Variants in ABCA13 observed in about 807,000 individuals in gnomAD.
ABCA13 encodes ATP-binding cassette sub-family A member 13.
A neutral mutation model predicts 478.7 loss-of-function variants in ABCA13; 476 were observed. The ratio of observed to expected loss-of-function variants is 0.99; its 90% CI spans 0.92 to 1.07. ABCA13 has a LOEUF of 1.07. Ranked by LOEUF, ABCA13 falls within the 50% of genes least tolerant of loss-of-function variation. The pLI is 0.00. For synonymous variants in ABCA13, 2,252 were observed against 2,158.9 expected (o/e 1.04, Z -1.20); for missense variants, 6,060 against 5,910.6 (o/e 1.03, Z -0.83).
At chr7:48,328,180 G>A (rs1043591688) in intron 27 of ABCA13, among the ~76,000 whole-genome samples, 2 of 152,180 alleles carry the variant, frequency 1.3e-5, no homozygotes, top group Admixed American at 6.5e-5. Context: ...GGCTGGAAGT[G>A]CACAGGCTCT....
rs199853944 is a variant in ABCA13 at position 48,424,448 on chromosome 7, CT to C, written c.12460-3315del. 1.0e-3 allele frequency among the ~76,000 whole-genome samples: 152 copies of C among 152,292 alleles called. 12 individuals are homozygous for C. In the East Asian group the frequency reaches 0.027, roughly 27 times the overall value. ...GTTGATGGGTTCTTGGAAACTAAGA[CT>C]TTAAGCAAAACAACTTTTTTTCCCT... On this transcript the variant is annotated intron_variant, in intron 41 of 61. Coordinates refer to ENST00000435803, the MANE Select transcript of ABCA13 (RefSeq NM_152701.5).
intron 44 of ABCA13, among the ~76,000 whole-genome samples, chr7:48,467,765 T>C (rs1051425098): frequency 6.6e-6 from 1 of 152,190 alleles, no homozygotes; most frequent in Non-Finnish European, 1.5e-5. Flanking sequence ...CAGAAGTGTA[T>C]GTTTTTAAGT....
chr7:48,479,909 A>T (rs1450207863), intron 45 of ABCA13, among the ~76,000 whole-genome samples: 1 of 152,162 alleles, frequency 6.6e-6, no homozygotes. Context: ...GCCTGTTTTC[A>T]TTTTCATTTT....
chr7:48,475,716 G>A (rs1828019472), intron 45 of ABCA13, among the ~76,000 whole-genome samples: 1 of 151,992 alleles, frequency 6.6e-6, no homozygotes, highest in East Asian at 1.9e-4. Flanking sequence ...CACCTGCCTC[G>A]GCCTCCCAAA....
At chr7:48,600,158 C>A (rs1030561244) in intron 58 of ABCA13, among the ~76,000 whole-genome samples, 2 of 152,114 alleles carry the variant, frequency 1.3e-5, no homozygotes, top group Non-Finnish European at 2.9e-5. Context: ...ACTTTCTTAT[C>A]ATTATGAAAT....
chr7:48,179,932 A>G (rs1795437918), intron 1 of ABCA13, among the ~76,000 whole-genome samples: 1 of 151,650 alleles, frequency 6.6e-6, no homozygotes, highest in Non-Finnish European at 1.5e-5. Flanking sequence ...AGAACTTCTT[A>G]CTCCCATTTC....
chr7:48,355,993 T>C (rs1201604007), intron 31 of ABCA13, among the ~76,000 whole-genome samples: 1 of 151,560 alleles, frequency 6.6e-6, no homozygotes, highest in African/African-American at 2.4e-5. Context: ...GGAGTATAGA[T>C]AGAAAAATAG....
At chr7:48,296,092 G>C (rs1457101851) in intron 21 of ABCA13, among the ~76,000 whole-genome samples, 1 of 152,204 alleles carries the variant, frequency 6.6e-6, no homozygotes, top group Non-Finnish European at 1.5e-5. Flanking sequence ...AAAGATATTA[G>C]ATATAAGAAT....
chr7:48,180,227 C>T (rs987683825), intron 1 of ABCA13, among the ~76,000 whole-genome samples: 1 of 152,198 alleles, frequency 6.6e-6, no homozygotes. Context: ...ACAGGACAGC[C>T]TTGGTGCTGT....
intron 3 of ABCA13, among the ~76,000 whole-genome samples, chr7:48,210,392 A>G (rs1440888332): frequency 6.6e-6 from 1 of 152,156 alleles, no homozygotes; most frequent in Non-Finnish European, 1.5e-5. Context: ...GGGTGGGGAC[A>G]TGGCCAAACC....
At chr7:48,187,019 GTATA>G (rs773804724) in intron 1 of ABCA13, among the ~76,000 whole-genome samples, 1 of 145,106 alleles carries the variant, frequency 6.9e-6, no homozygotes, top group Non-Finnish European at 1.5e-5. Context: ...ATGTGTGTGT[GTATA>G]TATATATATA....
At position 48,275,701 on chromosome 7, in the gene ABCA13, A is replaced by G; in HGVS notation, c.6035A>G (p.Asp2012Gly). 2 of 1,599,522 alleles carry G rather than the reference A, an allele frequency of 1.3e-6. No individual in the cohort carries two copies. The highest frequency in any genetic ancestry group is 1.7e-6 in the Non-Finnish European group (2 of 1,172,132). ...LERTVQLISE[D>G]WSLEKSTHNL... Reference sequence around the variant, plus strand: ...AGGACAGTACAATTGATTTCTGAAGACTGGAGCCTAGAAAAAAGTACGCAT... The same window carrying G: ...AGGACAGTACAATTGATTTCTGAAGGCTGGAGCCTAGAAAAAAGTACGCAT... Residue 2012 changes from aspartate to glycine, a missense_variant, in exon 17 of 62, where the codon GAC becomes GGC. Asp to Gly is a moderately conservative substitution (Grantham distance 94). Coordinates refer to ENST00000435803, the MANE Select transcript of ABCA13 (RefSeq NM_152701.5).
At chr7:48,411,183 CTCTT>C (rs371505723) in intron 40 of ABCA13, among the ~76,000 whole-genome samples, 1 of 89,590 alleles carries the variant, frequency 1.1e-5, no homozygotes, top group Non-Finnish European at 2.5e-5. Flanking sequence ...TTCTTTCTTT[CTCTT>C]TCTTTCCTTT....
rs141576983 is a variant in ABCA13, at chr7:48,412,584, G to T, written c.12459+1G>T. On this transcript the variant is annotated splice_donor_variant, in intron 41 of 61. Coordinates refer to ENST00000435803, the MANE Select transcript of ABCA13 (RefSeq NM_152701.5). LOFTEE classifies it high-confidence loss of function. ...GATCTCAGACACCACCTTAGAAGAG[G>T]TACTGAGAAAACTGAAGCGTGCTTT... is the stretch of plus-strand genomic sequence containing the variant. The T allele has an allele frequency of 1.2e-3, 1,942 of 1,592,738 alleles. 19 individuals are homozygous for T. In the East Asian group the frequency reaches 0.021, roughly 17 times the overall value.
chr7:48,252,573 T>C (rs1397239493), intron 15 of ABCA13, among the ~76,000 whole-genome samples: 1 of 152,190 alleles, frequency 6.6e-6, no homozygotes, highest in Non-Finnish European at 1.5e-5. Flanking sequence ...TTTAAGCCTA[T>C]ATAACAGAAA....
Position 48,524,098 on chromosome 7 carries a change from C to T in ABCA13, c.14052-150C>T, listed in dbSNP as rs114863514. The T allele has an allele frequency of 1.0e-3, 587 of 585,480 alleles. 2 individuals carry two copies. The highest frequency in any genetic ancestry group is 7.2e-3 in the African/African-American group (372 of 51,690). The allele number at this position is 585,480 out of a possible 1,614,324, so 36.3% of individuals were successfully genotyped here. A position where few individuals can be genotyped will look rare whatever the true frequency, so the allele number is the denominator to read the frequency against. On this transcript the variant is annotated intron_variant, in intron 53 of 61. Transcript: ENST00000435803. ...GATTCTTGCCTGATAATCAGGATGGCAGAACTGGGGTGCTCTGGACAAAGC... is the reference window on the plus strand; with the variant it reads ...GATTCTTGCCTGATAATCAGGATGGTAGAACTGGGGTGCTCTGGACAAAGC...
intron 14 of ABCA13, 61 bp downstream of exon 14, chr7:48,248,505 C>A: frequency 7.7e-7 from 1 of 1,305,352 alleles, no homozygotes; most frequent in Non-Finnish European, 1.0e-6. Flanking sequence ...ATTTCAACTG[C>A]CCCTTCTACA....
rs1488104309 is a variant in ABCA13, at chr7:48,511,114, G to A, written c.13555G>A (p.Val4519Ile). 4.3e-6 allele frequency: 7 copies of A among 1,613,510 alleles called. No homozygotes were observed. The highest frequency in any genetic ancestry group is 1.7e-6 in the Non-Finnish European group (2 of 1,179,666). Residue 4519 changes from valine to isoleucine, a missense_variant, in exon 51 of 62, where the codon GTT becomes ATT. Transcript: ENST00000435803. ...TTACTTGGTTTCCGTCTGCCTGTGT[G>A]TTGCCGTTATTGTCGCCTTCCAGTT... ...LFYLVSVCLC[V>I]AVIVAFQLTA... is the part of the protein sequence containing the mutation.
chr7:48,310,505 T>G (rs1039433037), intron 24 of ABCA13, among the ~76,000 whole-genome samples: 3 of 152,010 alleles, frequency 2.0e-5, no homozygotes, highest in African/African-American at 7.2e-5. Flanking sequence ...CCCTGGAGCA[T>G]GTTTGAGGAG....
Sources: gnomAD v4.1 joint callset for allele counts (sites outside exome capture counted in the v4.1 genomes callset) on GRCh38, gnomAD v4.1.1 for gene constraint, MANE v1.5 for transcripts, NCBI Gene and HGNC (gene_info 2026-07-23, HGNC 2026-07-21) for gene names.